Variants in ZNF682 observed in about 807,000 individuals in gnomAD.
ZNF682 encodes the protein zinc finger protein 682.
ZNF682 carries 29 observed loss-of-function variants against 36.5 expected under a neutral mutation model. That is an observed-to-expected ratio of 0.80 (90% CI 0.59 to 1.08). ZNF682 has a LOEUF of 1.08. ZNF682 is among the 50% of genes least tolerant of loss of function. ZNF682 has a pLI of 0.00. For missense variants in ZNF682, 561 were observed against 579.7 expected (o/e 0.97, Z 0.33); for synonymous variants, 180 against 197.0 (o/e 0.91, Z 0.72).
chr19:20,005,947 G>C lies in ZNF682; in HGVS notation c.*58C>G. 1 of 1,479,856 alleles carries C rather than the reference G, an allele frequency of 6.8e-7. No homozygotes were observed. The highest frequency in any genetic ancestry group is 9.1e-7 in the Non-Finnish European group (1 of 1,098,168). 91.7% of individuals were successfully genotyped at this position (1,479,856 alleles called of 1,614,324 possible). On this transcript the variant is annotated 3_prime_UTR_variant, in exon 4 of 4. Coordinates refer to ENST00000397165, the MANE Select transcript of ZNF682 (RefSeq NM_033196.3). ...CTTGTGATTTCAATGCCTTGAGCAA[G>C]ATTTATGGAATTTGCCACATTCTTT...
intron 1 of ZNF682, among the ~76,000 whole-genome samples, chr19:20,026,465 T>G (rs942030245): frequency 2.6e-5 from 4 of 151,818 alleles, no homozygotes. Flanking sequence ...CAAAGAGAAC[T>G]TTATTTATTT....
Position 20,006,577 on chromosome 19 carries a change from C to G in ZNF682, c.925G>C (p.Gly309Arg), listed in dbSNP as rs1260273655. 6.2e-7 allele frequency: 1 copy of G among 1,614,070 alleles called. No individual in the cohort carries two copies. Among genetic ancestry groups the G allele is most frequent in the Non-Finnish European group, 8.5e-7 (1 of 1,180,000 alleles). Residue 309 changes from glycine (G) to arginine (R), a missense_variant, in exon 4 of 4, where the codon GGA becomes CGA. Transcript: ENST00000397165. ...TCTTTACATTTGTAGGGTTTCTTTC[C>G]AGTGTGAATTGTCTTATGTTTGGTG... is the stretch of plus-strand genomic sequence containing the variant. ...HLTKHKTIHT[G>R]KKPYKCKECG...
In ZNF682 at chr19:20,037,223, C is replaced by A. The variant is rs149655939; in HGVS notation, c.3+2120G>T. ...CATAAAAAAAGGGTTTGTGGGGGAACTAAAAGGCAAACGAGGGAAAGTTGC... is the reference window on the plus strand; with the variant it reads ...CATAAAAAAAGGGTTTGTGGGGGAAATAAAAGGCAAACGAGGGAAAGTTGC... On this transcript the variant is annotated intron_variant, in intron 1 of 3. Coordinates refer to ENST00000397165, the MANE Select transcript of ZNF682 (RefSeq NM_033196.3). Among the ~76,000 whole-genome samples, 488 of 152,224 alleles carry A rather than the reference C, an allele frequency of 3.2e-3. 4 individuals carry two copies. Among genetic ancestry groups the A allele is most frequent in the African/African-American group, 0.011 (467 of 41,550 alleles).
intron 3 of ZNF682, chr19:20,015,351 C>T (rs900198279): frequency 1.0e-6 from 1 of 985,014 alleles, no homozygotes; most frequent in Non-Finnish European, 1.2e-6. Context: ...CCTATTCAGT[C>T]AAACACAGAG....
chr19:20,022,377 T>C (rs1475036228), intron 3 of ZNF682, among the ~76,000 whole-genome samples: 1 of 148,836 alleles, frequency 6.7e-6, no homozygotes, highest in Non-Finnish European at 1.5e-5. Flanking sequence ...CCTTAAAAAA[T>C]AGTTTAAAGG....
downstream of ZNF682, among the ~76,000 whole-genome samples, chr19:20,001,481 C>T (rs1190046375): frequency 1.3e-5 from 2 of 152,182 alleles, no homozygotes; most frequent in Non-Finnish European, 2.9e-5. Flanking sequence ...TGAGGCTCTT[C>T]CCCACCGTGG....
intron 3 of ZNF682, among the ~76,000 whole-genome samples, chr19:20,018,955 G>A (rs1450153300): frequency 6.6e-6 from 1 of 152,132 alleles, no homozygotes; most frequent in Non-Finnish European, 1.5e-5. Flanking sequence ...TTAGTGGGGT[G>A]AAAATGTCAC....
intron 3 of ZNF682, among the ~76,000 whole-genome samples, chr19:20,009,570 A>G (rs141341790): frequency 0.012 from 1,800 of 152,356 alleles, 19 homozygotes; most frequent in South Asian, 0.032. Flanking sequence ...CTCAAGGCAC[A>G]TAGTATTCAG....
chr19:20,024,326 C>T lies in ZNF682; in HGVS notation c.54G>A (p.Trp18Ter), dbSNP rs764691004. ...TCTGCTGAGCAGGGTTCAGAAACTCCCACTCCTCCAGAGAGAATTCTATGG... is the reference window on the plus strand; with the variant it reads ...TCTGCTGAGCAGGGTTCAGAAACTCTCACTCCTCCAGAGAGAATTCTATGG... Reference protein sequence around the residue: ...DVTIEFSLEEWEFLNPAQQSL... With the variant: ...DVTIEFSLEE The change falls in exon 2 of 4, where the codon TGG becomes TGA. Residue 18 changes from tryptophan to a stop codon, truncating the protein, a stop_gained. Transcript: ENST00000397165. LOFTEE classifies it high-confidence loss of function. The T allele has an allele frequency of 6.2e-7, 1 of 1,613,854 alleles. No individual in the cohort carries two copies. Among genetic ancestry groups the T allele is most frequent in the African/African-American group, 1.3e-5 (1 of 75,032 alleles).
chr19:20,019,880 T>C (rs1395444810), intron 3 of ZNF682, among the ~76,000 whole-genome samples: 1 of 152,062 alleles, frequency 6.6e-6, no homozygotes, highest in African/African-American at 2.4e-5. Context: ...TCTATCTGTG[T>C]AACAAGGTTG....
At chr19:20,033,233 A>T (rs2088496054) in intron 1 of ZNF682, among the ~76,000 whole-genome samples, 1 of 152,166 alleles carries the variant, frequency 6.6e-6, no homozygotes, top group Non-Finnish European at 1.5e-5. Flanking sequence ...AGATCACACC[A>T]CTGCACTCCA....
chr19:20,034,603 A>ACC (rs60652313), intron 1 of ZNF682, among the ~76,000 whole-genome samples: 25 of 151,336 alleles, frequency 1.7e-4, no homozygotes, highest in African/African-American at 5.1e-4. Context: ...ACATGGTGAA[A>ACC]CCACCTCTCT....
downstream of ZNF682, among the ~76,000 whole-genome samples, chr19:20,000,524 G>T (rs1169033154): frequency 6.6e-6 from 1 of 152,180 alleles, no homozygotes; most frequent in Admixed American, 6.5e-5. Flanking sequence ...TATTGCAGGG[G>T]CATCAAGAGG....
downstream of ZNF682, among the ~76,000 whole-genome samples, chr19:20,004,209 G>C (rs1193257419): frequency 1.3e-5 from 2 of 152,086 alleles, no homozygotes; most frequent in African/African-American, 4.8e-5. Context: ...TCTATAATTA[G>C]AAGAAAAATA....
Position 20,006,827 on chromosome 19 carries a change from T to G in ZNF682, c.675A>C (p.Gly225=), listed in dbSNP as rs777245503. 5.6e-6 allele frequency: 9 copies of G among 1,614,048 alleles called. No individual in the cohort carries two copies. Among genetic ancestry groups the G allele is most frequent in the Non-Finnish European group, 6.8e-6 (8 of 1,180,030 alleles). ...YLTKHKRIHT[G]EKPYKCEECG... ...ATTCTTCACATTTGTATGGTTTCTC[T>G]CCAGTGTGAATTCTCTTATGTTTAG... Residue 225 remains glycine (G), a synonymous_variant, in exon 4 of 4, where the codon GGA becomes GGC. Transcript: ENST00000397165.
chr19:20,025,404 G>A (rs1010659797), intron 1 of ZNF682, among the ~76,000 whole-genome samples: 1 of 152,156 alleles, frequency 6.6e-6, no homozygotes, highest in Admixed American at 6.5e-5. Flanking sequence ...TGGGCCAGGC[G>A]CGGTGGCTCA....
chr19:20,018,337 G>A (rs988717544), intron 3 of ZNF682, among the ~76,000 whole-genome samples: 8 of 151,640 alleles, frequency 5.3e-5, no homozygotes, highest in Admixed American at 1.3e-4. Context: ...CTCGTGATCC[G>A]CCCGCCTCGG....
intron 3 of ZNF682, chr19:20,015,316 G>C (rs1029471657): frequency 2.0e-6 from 2 of 985,178 alleles, no homozygotes. Context: ...GTAAATATAA[G>C]AGTCACAAAC....
rs2122403976 is a variant in ZNF682, at chr19:20,039,337, A to G, written c.3+6T>C. The stretch of plus-strand genomic sequence containing the variant: ...CACCTCGGGATGCGCGGCCTGGCAC[A>G]CTCACCATTTTTCGGCTTCCGGGAT... On this transcript the variant is annotated splice_donor_region_variant and intron_variant, in intron 1 of 3. Transcript: ENST00000397165. 1 of 1,612,280 alleles carries G rather than the reference A, an allele frequency of 6.2e-7. No individual in the cohort carries two copies. The highest frequency in any genetic ancestry group is 2.2e-5 in the East Asian group (1 of 44,884).
Sources: allele counts gnomAD v4.1 joint callset (sites outside exome capture counted in the v4.1 genomes callset), GRCh38; gene constraint gnomAD v4.1.1; transcripts MANE v1.5; gene names NCBI Gene and HGNC (gene_info 2026-07-23, HGNC 2026-07-21).